The following NRXN1 variants were observed in gnomAD, a reference collection of about 807,000 sequenced individuals.
NRXN1 encodes the protein neurexin 1.
NRXN1 carries 39 observed loss-of-function variants against 150.9 expected under a neutral mutation model. That is an observed-to-expected ratio of 0.26 (90% confidence interval 0.20 to 0.34). NRXN1 has a LOEUF of 0.34. Among genes scored for constraint, NRXN1 ranks in the 10% least tolerant of loss-of-function variants. The pLI is 1.00. For synonymous variants in NRXN1, 924 were observed against 757.0 expected, an observed-to-expected ratio of 1.22 and a Z score of -3.62; for missense variants, 1,815 against 1,949.9, an observed-to-expected ratio of 0.93 and a Z score of 1.30.
intron 5 of NRXN1, among the ~76,000 whole-genome samples, chr2:50,828,352 G>A (rs1343793935): frequency 1.5e-4 from 22 of 149,716 alleles, no homozygotes; most frequent in African/African-American, 5.2e-4. Context: ...CAGATGGGGC[G>A]GCTGGCCTGG....
At chr2:50,545,244 T>A (rs760214373) in intron 9 of NRXN1, among the ~76,000 whole-genome samples, 5 of 152,316 alleles carry the variant, frequency 3.3e-5, no homozygotes, top group Non-Finnish European at 1.5e-5. Flanking sequence ...AATGCACATA[T>A]ATAAACACAC....
chr2:50,346,901 C>CG lies in NRXN1; in HGVS notation c.3365-109932_3365-109931insC, dbSNP rs1383519955. ...CCGCCGCCGCCGCCGCCGCCGCCGCCCCCGGGCGAGCCCAGCTCGGCGCCG... is the reference window on the plus strand; with the variant it reads ...CCGCCGCCGCCGCCGCCGCCGCCGCCGCCCGGGCGAGCCCAGCTCGGCGCCG... On this transcript the variant is annotated intron_variant, in intron 17 of 22. Coordinates refer to ENST00000401669, the MANE Select transcript of NRXN1 (RefSeq NM_001330078.2). The surrounding 1 kb of genome is among the most constrained non-coding windows in gnomAD (Gnocchi z 5.0). The CG allele has an allele frequency of 7.7e-7, 1 of 1,297,204 alleles. No individual in the cohort carries two copies. The highest frequency in any genetic ancestry group is 9.8e-7 in the Non-Finnish European group (1 of 1,024,382). 80.4% of individuals were successfully genotyped at this position (1,297,204 alleles called of 1,614,324 possible). A position where few individuals can be genotyped will look rare whatever the true frequency, so the allele number is the denominator to read the frequency against.
At chr2:50,195,469 T>G (rs139411330) in intron 18 of NRXN1, among the ~76,000 whole-genome samples, 211 of 152,328 alleles carry the variant, frequency 1.4e-3, no homozygotes, top group Middle Eastern at 0.01. Context: ...GCTGTTGTTG[T>G]GCATATTTAT....
chr2:50,814,525 A>G (rs763346421), intron 5 of NRXN1, among the ~76,000 whole-genome samples: 10 of 152,128 alleles, frequency 6.6e-5, no homozygotes, highest in Non-Finnish European at 1.3e-4. Context: ...ACAAAAAAGA[A>G]GAACCCTGGG....
intron 21 of NRXN1, among the ~76,000 whole-genome samples, chr2:50,040,300 ATTAC>A (rs1353625147): frequency 1.3e-5 from 2 of 151,496 alleles, no homozygotes; most frequent in African/African-American, 4.8e-5. Context: ...ATGCAACTAT[ATTAC>A]TTAAAGCAAC....
chr2:50,145,533 C>T (rs1380703505), intron 18 of NRXN1, among the ~76,000 whole-genome samples: 1 of 151,628 alleles, frequency 6.6e-6, no homozygotes, highest in Non-Finnish European at 1.5e-5. Flanking sequence ...ACGCTATCTC[C>T]CCCTCCAGAA....
At chr2:50,183,749 G>T (rs545737290) in intron 18 of NRXN1, among the ~76,000 whole-genome samples, 2 of 150,962 alleles carry the variant, frequency 1.3e-5, no homozygotes, top group East Asian at 3.9e-4. Context: ...CACAACAAAG[G>T]ATTATTTGGC....
chr2:50,531,168 A>T, intron 11 of NRXN1, 59 bp downstream of exon 11: 1 of 1,217,284 alleles, frequency 8.2e-7, no homozygotes, highest in Non-Finnish European at 1.1e-6. Flanking sequence ...CAATGTTTGC[A>T]GGCAAATTGA....
At chr2:50,779,152 C>T (rs1278269197) in intron 5 of NRXN1, among the ~76,000 whole-genome samples, 1 of 152,138 alleles carries the variant, frequency 6.6e-6, no homozygotes, top group Non-Finnish European at 1.5e-5. Context: ...TTAGGTATTT[C>T]TCCTAATGGT....
chr2:50,640,130 T>C (rs1176384664), intron 5 of NRXN1, among the ~76,000 whole-genome samples: 2 of 152,108 alleles, frequency 1.3e-5, no homozygotes, highest in African/African-American at 4.8e-5. Flanking sequence ...CTAAAGAGCA[T>C]TAAAAAATAG....
chr2:50,699,578 C>G (rs1434768691), intron 5 of NRXN1, among the ~76,000 whole-genome samples: 1 of 152,002 alleles, frequency 6.6e-6, no homozygotes, highest in Non-Finnish European at 1.5e-5. Flanking sequence ...TGAGGGCAGC[C>G]TCCAACCAAA....
At chr2:50,470,230 C>T (rs974379267) in intron 16 of NRXN1, among the ~76,000 whole-genome samples, 4 of 151,632 alleles carry the variant, frequency 2.6e-5, no homozygotes, top group African/African-American at 7.3e-5. Context: ...AGATCACCTC[C>T]AAGAATTATT....
chr2:50,687,320 G>C (rs542062637), intron 5 of NRXN1, among the ~76,000 whole-genome samples: 250 of 152,216 alleles, frequency 1.6e-3, no homozygotes, highest in African/African-American at 5.7e-3. Flanking sequence ...TATATTAACT[G>C]CTACATTCCT....
chr2:50,260,488 T>C (rs2068141539), intron 17 of NRXN1, among the ~76,000 whole-genome samples: 1 of 151,796 alleles, frequency 6.6e-6, no homozygotes, highest in Non-Finnish European at 1.5e-5. Flanking sequence ...TGGACCCTGT[T>C]GTTCTATTGG....
chr2:50,898,314 G>T (rs936181225), intron 5 of NRXN1, among the ~76,000 whole-genome samples: 4 of 152,022 alleles, frequency 2.6e-5, no homozygotes, highest in African/African-American at 7.2e-5. Context: ...TGCTTTCAAT[G>T]TAACTATCAA....
chr2:49,923,485 A>G (rs1668569415), intron 22 of NRXN1, among the ~76,000 whole-genome samples: 1 of 152,180 alleles, frequency 6.6e-6, no homozygotes, highest in Admixed American at 6.5e-5. Context: ...TTCCATATAT[A>G]TTAGATAAGA....
intron 5 of NRXN1, among the ~76,000 whole-genome samples, chr2:50,652,034 C>T (rs1326951926): frequency 6.6e-6 from 1 of 152,070 alleles, no homozygotes; most frequent in African/African-American, 2.4e-5. Context: ...CACTTGCAGG[C>T]TGGGCTAGCA....
intron 2 of NRXN1, among the ~76,000 whole-genome samples, chr2:50,948,787 A>T (rs1423681351): frequency 6.6e-6 from 1 of 152,066 alleles, no homozygotes; most frequent in Non-Finnish European, 1.5e-5. Flanking sequence ...CACACTGCAT[A>T]GAGCTTATTT....
chr2:50,726,678 T>G (rs1021819142), intron 5 of NRXN1, among the ~76,000 whole-genome samples: 1 of 152,176 alleles, frequency 6.6e-6, no homozygotes, highest in East Asian at 1.9e-4. Flanking sequence ...AGTTAAATAA[T>G]GACAGAAGCC....
Sources: allele counts gnomAD v4.1 joint callset (sites outside exome capture counted in the v4.1 genomes callset), GRCh38; gene constraint gnomAD v4.1.1; non-coding constraint Gnocchi (gnomAD v3.1); transcripts MANE v1.5; gene names NCBI Gene and HGNC (gene_info 2026-07-23, HGNC 2026-07-21).